Variants in MROH2B observed in about 807,000 individuals in gnomAD.
The protein encoded by MROH2B is maestro heat like repeat family member 2B.
A neutral mutation model predicts 208.6 loss-of-function variants in MROH2B; 177 were observed. The observed-to-expected ratio is 0.85, with a 90% CI of 0.75 to 0.96. The LOEUF is 0.96. Among genes scored for constraint, MROH2B ranks in the 40% least tolerant of loss-of-function variants. The pLI, the probability that MROH2B is intolerant of heterozygous loss-of-function variation, is 0.00. For missense variants in MROH2B, 2,002 were observed against 1,878.7 expected (o/e 1.07, Z -1.21); for synonymous variants, 728 against 659.0 (o/e 1.10, Z -1.60).
intron 21 of MROH2B, among the ~76,000 whole-genome samples, chr5:41,035,729 C>T (rs1255750380): frequency 3.3e-5 from 5 of 152,082 alleles, no homozygotes; most frequent in Admixed American, 1.3e-4. Flanking sequence ...CTCATCATCA[C>T]TAACCATCAA....
chr5:41,048,506 G>T, intron 15 of MROH2B, 41 bp from the exon 16 acceptor site: 1 of 1,547,338 alleles, frequency 6.5e-7, no homozygotes. Flanking sequence ...TTTCAGGGGC[G>T]TTTAAAAGCC....
intron 28 of MROH2B, 139 bp from the exon 29 acceptor site, chr5:41,015,617 G>A (rs2111855972): frequency 1.5e-6 from 1 of 664,720 alleles, no homozygotes; most frequent in East Asian, 2.8e-5. Flanking sequence ...CATACTGAGT[G>A]GTTTCTACAT....
intron 2 of MROH2B, among the ~76,000 whole-genome samples, chr5:41,067,705 G>C (rs893545396): frequency 6.6e-6 from 1 of 152,108 alleles, no homozygotes; most frequent in Non-Finnish European, 1.5e-5. Context: ...GCATCTTTAG[G>C]AGTCAAAGGC....
In MROH2B at chr5:41,004,706, G is replaced by A. The variant is rs1741518038; in HGVS notation, c.4011+68C>T. On this transcript the variant is annotated intron_variant, in intron 36 of 41. Transcript: ENST00000399564. ...ATTAATTTGTATGCAACAACTAGGCGTGGGTTATTAAATCATTATTTCAAA... is the reference window on the plus strand; with the variant it reads ...ATTAATTTGTATGCAACAACTAGGCATGGGTTATTAAATCATTATTTCAAA... The A allele has an allele frequency of 1.9e-6, 3 of 1,566,898 alleles. No individual in the cohort carries two copies. In the South Asian group the frequency reaches 3.6e-5, roughly 19 times the overall value.
Position 41,052,555 on chromosome 5 carries a change from G to C in MROH2B, c.1140C>G (p.Thr380=). Residue 380 remains threonine (T), a synonymous_variant, in exon 12 of 42, where the codon ACC becomes ACG. Coordinates refer to ENST00000399564, the MANE Select transcript of MROH2B (RefSeq NM_173489.5). ...VRNSVLLLIQ[T]MCEKSYIEAR... is the part of the protein sequence containing the mutation. ...CTTCAATATAGGACTTTTCACACAT[G>C]GTTTGGATGAGGAGAAGAACAGAAT... 6.2e-7 allele frequency: 1 copy of C among 1,611,380 alleles called. No individual in the cohort carries two copies. Among genetic ancestry groups the C allele is most frequent in the Non-Finnish European group, 8.5e-7 (1 of 1,178,484 alleles).
chr5:41,020,956 A>G (rs1457393970), intron 24 of MROH2B, among the ~76,000 whole-genome samples: 1 of 152,208 alleles, frequency 6.6e-6, no homozygotes, highest in African/African-American at 2.4e-5. Flanking sequence ...GCAATTAGGC[A>G]AGGAAAAATT....
chr5:41,011,672 C>T (rs374164200), intron 30 of MROH2B, among the ~76,000 whole-genome samples: 1 of 145,178 alleles, frequency 6.9e-6, no homozygotes, highest in South Asian at 2.2e-4. Context: ...TTTCCTTTTT[C>T]TTTTTTTTTT....
chr5:41,041,980 T>C (rs771793645), intron 19 of MROH2B, 112 bp downstream of exon 19: 2 of 564,842 alleles, frequency 3.5e-6, no homozygotes, highest in Non-Finnish European at 6.1e-6. Context: ...AGTGTATTAA[T>C]TGATAATTAT....
rs746664392 is a variant in MROH2B at position 41,033,193 on chromosome 5, G to T, written c.2242-33C>A. 9.3e-6 allele frequency: 15 copies of T among 1,608,994 alleles called. No homozygotes were observed. In the African/African-American group the frequency reaches 1.7e-4, roughly 19 times the overall value. ...AAAAGCATTTACAATGCAAGTCAAG[G>T]TCTAAGACACCACACTCAGGTCTAT... On this transcript the variant is annotated intron_variant, in intron 22 of 41. Transcript: ENST00000399564.
intron 18 of MROH2B, among the ~76,000 whole-genome samples, chr5:41,042,990 T>G (rs1743001769): frequency 1.3e-5 from 2 of 152,166 alleles, no homozygotes; most frequent in African/African-American, 4.8e-5. Flanking sequence ...TTATTTAGAA[T>G]CCCCATATTG....
chr5:41,025,405 A>C (rs1258379987), intron 24 of MROH2B, among the ~76,000 whole-genome samples: 1 of 152,200 alleles, frequency 6.6e-6, no homozygotes, highest in Non-Finnish European at 1.5e-5. Context: ...TACTATAAAC[A>C]CCTCTACACA....
At chr5:41,050,951 G>T in intron 13 of MROH2B, 26 bp downstream of exon 13, 2 of 1,444,594 alleles carry the variant, frequency 1.4e-6, no homozygotes, top group Non-Finnish European at 1.9e-6. Flanking sequence ...CAAAGTAACT[G>T]TAAGTGGTGA....
intron 24 of MROH2B, among the ~76,000 whole-genome samples, chr5:41,025,824 A>G (rs909781739): frequency 6.6e-6 from 1 of 152,190 alleles, no homozygotes; most frequent in African/African-American, 2.4e-5. Flanking sequence ...AGCACATCAA[A>G]AAGCTTATCC....
chr5:41,018,048 A>G, intron 27 of MROH2B, 78 bp from the exon 28 acceptor site: 1 of 1,486,052 alleles, frequency 6.7e-7, no homozygotes, highest in Non-Finnish European at 9.0e-7. Context: ...CTGGATCTCA[A>G]GTCTCTTATT....
intron 37 of MROH2B, among the ~76,000 whole-genome samples, chr5:41,003,684 T>C (rs910651500): frequency 3.9e-4 from 59 of 152,222 alleles, no homozygotes; most frequent in African/African-American, 1.4e-3. Context: ...AAAGCCTTAA[T>C]GTTTATGAAG....
chr5:41,032,762 T>G lies in MROH2B; in HGVS notation c.2421A>C (p.Leu807Phe). The G allele has an allele frequency of 6.2e-7, 1 of 1,612,562 alleles. No individual in the cohort carries two copies. Among genetic ancestry groups the G allele is most frequent in the Non-Finnish European group, 8.5e-7 (1 of 1,179,110 alleles). ...TCTACCTGAGATACCTAATGGCGATTAAGGCTTTCCACCGAATAGGGCTAG... is the reference window on the plus strand; with the variant it reads ...TCTACCTGAGATACCTAATGGCGATGAAGGCTTTCCACCGAATAGGGCTAG... ...SLASPIRWKA[L>F]IAIRYLSKLK... Residue 807 changes from leucine to phenylalanine, a missense_variant, in exon 24 of 42, where the codon TTA becomes TTC. Physicochemically the swap from Leu to Phe is conservative, Grantham distance 22. Coordinates refer to ENST00000399564, the MANE Select transcript of MROH2B (RefSeq NM_173489.5).
At chr5:41,066,294 C>T (rs1412877322) in intron 3 of MROH2B, among the ~76,000 whole-genome samples, 1 of 152,034 alleles carries the variant, frequency 6.6e-6, no homozygotes, top group Non-Finnish European at 1.5e-5. Flanking sequence ...ATACAAAGGA[C>T]CCAGATAAGA....
intron 19 of MROH2B, among the ~76,000 whole-genome samples, chr5:41,041,091 G>A (rs1474933937): frequency 1.3e-5 from 2 of 152,096 alleles, no homozygotes; most frequent in African/African-American, 4.8e-5. Context: ...AATGATATTA[G>A]AGATGGTGCC....
In MROH2B at chr5:41,032,821, C is replaced by A. The variant is rs779318499; in HGVS notation, c.2362G>T (p.Asp788Tyr). Reference sequence around the variant, plus strand: ...TCCAGGGGCTCGTCTCTAATGAAGTCCTGAAACATAAATAAGGAGATTAAA... The same window carrying A: ...TCCAGGGGCTCGTCTCTAATGAAGTACTGAAACATAAATAAGGAGATTAAA... Reference protein sequence around the residue: ...YKEMLIGYMLDFIRDEPLDSL... With the variant: ...YKEMLIGYMLYFIRDEPLDSL... The change falls in exon 24 of 42, where the codon GAC becomes TAC. Residue 788 changes from aspartate (D) to tyrosine (Y), a missense_variant and splice_region_variant. Coordinates refer to ENST00000399564, the MANE Select transcript of MROH2B (RefSeq NM_173489.5). 8 of 1,610,676 alleles carry A rather than the reference C, an allele frequency of 5.0e-6. No homozygotes were observed. Among genetic ancestry groups the A allele is most frequent in the Admixed American group, 1.7e-5 (1 of 59,578 alleles).
Sources: allele counts gnomAD v4.1 joint callset (sites outside exome capture counted in the v4.1 genomes callset), GRCh38; gene constraint gnomAD v4.1.1; transcripts MANE v1.5; gene names NCBI Gene and HGNC (gene_info 2026-07-23, HGNC 2026-07-21).